The following NKAIN2 variants were observed in gnomAD, a reference collection of about 807,000 sequenced individuals.
NKAIN2 encodes the protein sodium/potassium transporting ATPase interacting 2.
A neutral mutation model predicts 32.6 loss-of-function variants in NKAIN2; 14 were observed. That is an observed-to-expected ratio of 0.43 (90% confidence interval 0.28 to 0.67). The LOEUF (loss-of-function observed/expected upper bound fraction) is 0.67. Ranked by LOEUF, NKAIN2 falls within the 30% of genes least tolerant of loss-of-function variation. NKAIN2 has a pLI of 0.17. For synonymous variants in NKAIN2, 80 were observed against 87.2 expected (o/e 0.92, Z 0.46); for missense variants, 198 against 258.3 (o/e 0.77, Z 1.60).
At chr6:124,470,687 A>T (rs1776936412) in intron 3 of NKAIN2, among the ~76,000 whole-genome samples, 1 of 152,132 alleles carries the variant, frequency 6.6e-6, no homozygotes, top group Non-Finnish European at 1.5e-5. Flanking sequence ...GCTTTAAAAG[A>T]TAATAAAGGT....
At chr6:124,727,629 C>A (rs1463006640) in intron 4 of NKAIN2, among the ~76,000 whole-genome samples, 1 of 151,378 alleles carries the variant, frequency 6.6e-6, no homozygotes. Context: ...ACCATTGAGA[C>A]TAGGAAGAAA....
At chr6:124,614,698 A>G (rs75791539) in intron 3 of NKAIN2, among the ~76,000 whole-genome samples, 13,862 of 145,324 alleles carry the variant, frequency 0.095, 678 homozygotes, top group South Asian at 0.2. Context: ...GACCCCCCCA[A>G]TTTCTTCTCT....
rs765530124 is a variant in NKAIN2, at chr6:124,725,211, A to G, written c.475-66128A>G. Reference sequence around the variant, plus strand: ...ATCACACATACCCCACTCTTAAGTTACAATTTACATACTAGAAAACTGGCT... The same window carrying G: ...ATCACACATACCCCACTCTTAAGTTGCAATTTACATACTAGAAAACTGGCT... On this transcript the variant is annotated intron_variant, in intron 4 of 6. Transcript: ENST00000368417. 2.0e-5 allele frequency among the ~76,000 whole-genome samples: 3 copies of G among 152,336 alleles called. No individual in the cohort carries two copies. The Middle Eastern group carries it at 0.01, about 518-fold the overall frequency.
intron 3 of NKAIN2, among the ~76,000 whole-genome samples, chr6:124,529,640 C>A (rs183306716): frequency 6.6e-6 from 1 of 152,178 alleles, no homozygotes; most frequent in East Asian, 1.9e-4. Context: ...TCACCTGGCC[C>A]GAGGCTTAGG....
intron 1 of NKAIN2, among the ~76,000 whole-genome samples, chr6:123,914,368 G>A (rs1775384645): frequency 1.3e-5 from 2 of 151,922 alleles, no homozygotes; most frequent in Admixed American, 1.3e-4. Context: ...AGCCAGGGAG[G>A]GAGGGAGAAG....
At chr6:124,296,283 A>C (rs1796051539) in intron 2 of NKAIN2, among the ~76,000 whole-genome samples, 1 of 152,168 alleles carries the variant, frequency 6.6e-6, no homozygotes, top group African/African-American at 2.4e-5. Context: ...TTTATAAAGC[A>C]AGAAATGATG....
intron 1 of NKAIN2, among the ~76,000 whole-genome samples, chr6:124,001,572 A>C (rs975692865): frequency 3.3e-5 from 5 of 151,824 alleles, no homozygotes; most frequent in Non-Finnish European, 7.4e-5. Context: ...TGTGTTTCCT[A>C]AAATACTCCA....
intron 1 of NKAIN2, among the ~76,000 whole-genome samples, chr6:123,934,764 G>A (rs1156912151): frequency 2.0e-5 from 3 of 151,958 alleles, no homozygotes; most frequent in Non-Finnish European, 2.9e-5. Flanking sequence ...GCCAGTCACC[G>A]TGACAGTGCT....
rs746959986 is a variant in NKAIN2, at chr6:124,595,222, G to T, written c.274-62964G>T. Among the ~76,000 whole-genome samples the T allele has an allele frequency of 3.9e-5, 6 of 152,136 alleles. 1 individual carries two copies. Among genetic ancestry groups the T allele is most frequent in the African/African-American group, 1.4e-4 (6 of 41,434 alleles). ...TTCTCACTGCAAACGTCCCATGATC[G>T]TTGCTCAGATGTCTTGCCTAGATGC... On this transcript the variant is annotated intron_variant, in intron 3 of 6. Transcript: ENST00000368417.
At chr6:124,398,024 C>T (rs1345163973) in intron 3 of NKAIN2, among the ~76,000 whole-genome samples, 5 of 151,784 alleles carry the variant, frequency 3.3e-5, no homozygotes, top group African/African-American at 1.2e-4. Context: ...GAGGCCGAGG[C>T]GGGCGGATCA....
intron 1 of NKAIN2, among the ~76,000 whole-genome samples, chr6:124,166,967 G>T (rs1348645779): frequency 1.3e-5 from 2 of 150,952 alleles, no homozygotes; most frequent in Middle Eastern, 3.2e-3. Flanking sequence ...CTCCAGCTTT[G>T]TTCTTTTGGC....
chr6:124,544,998 G>A (rs1245904032), intron 3 of NKAIN2, among the ~76,000 whole-genome samples: 3 of 152,200 alleles, frequency 2.0e-5, no homozygotes, highest in African/African-American at 7.2e-5. Flanking sequence ...ATTCTTCTCT[G>A]GGCAGTGACC....
chr6:124,142,343 G>C (rs1320128167), intron 1 of NKAIN2, among the ~76,000 whole-genome samples: 1 of 152,068 alleles, frequency 6.6e-6, no homozygotes, highest in African/African-American at 2.4e-5. Flanking sequence ...CATATTTTAA[G>C]TCCTAAAGGA....
intron 1 of NKAIN2, among the ~76,000 whole-genome samples, chr6:123,859,376 T>A (rs1167940757): frequency 1.3e-5 from 2 of 152,082 alleles, no homozygotes; most frequent in Non-Finnish European, 2.9e-5. Context: ...GTGATAACAG[T>A]CATATTGCAA....
chr6:124,558,690 G>A (rs559510115), intron 3 of NKAIN2, among the ~76,000 whole-genome samples: 10 of 152,304 alleles, frequency 6.6e-5, no homozygotes, highest in South Asian at 6.2e-4. Flanking sequence ...GCTCAAGCCC[G>A]TAATCCCAGC....
At chr6:124,628,398 C>A (rs911519368) in intron 3 of NKAIN2, among the ~76,000 whole-genome samples, 1 of 151,956 alleles carries the variant, frequency 6.6e-6, no homozygotes, top group African/African-American at 2.4e-5. Context: ...TTATTTCATC[C>A]CCCACAATGA....
Position 124,781,278 on chromosome 6 carries a change from T to C in NKAIN2, c.475-10061T>C, listed in dbSNP as rs1369779118. On this transcript the variant is annotated intron_variant, in intron 4 of 6. Coordinates refer to ENST00000368417, the MANE Select transcript of NKAIN2 (RefSeq NM_001040214.3). ...GTCTGAATCTTGGGAGAGCACTATA[T>C]AACTTCTCTAAGCCTCAGTTTTTTC... 3.3e-5 allele frequency among the ~76,000 whole-genome samples: 5 copies of C among 152,294 alleles called. No homozygotes were observed. In the East Asian group the frequency reaches 9.7e-4, roughly 29 times the overall value.
At chr6:124,267,908 CTTGTAAAATAATT>C (rs1794577538) in intron 1 of NKAIN2, among the ~76,000 whole-genome samples, 1 of 152,098 alleles carries the variant, frequency 6.6e-6, no homozygotes, top group Non-Finnish European at 1.5e-5. Context: ...TTTAAAAAGA[CTTGTAAAATAATT>C]TGGGAAGAGA....
chr6:124,736,025 A>C (rs1262048197), intron 4 of NKAIN2, among the ~76,000 whole-genome samples: 1 of 151,960 alleles, frequency 6.6e-6, no homozygotes, highest in African/African-American at 2.4e-5. Context: ...GCCAAAAGTC[A>C]AAACAGGATG....
Sources: allele counts gnomAD v4.1 joint callset (sites outside exome capture counted in the v4.1 genomes callset), GRCh38; gene constraint gnomAD v4.1.1; transcripts MANE v1.5; gene names NCBI Gene and HGNC (gene_info 2026-07-23, HGNC 2026-07-21).